The following NEDD4 variants were observed in gnomAD, a reference collection of about 807,000 sequenced individuals.
NEDD4 encodes the protein E3 ubiquitin-protein ligase NEDD4.
Under a neutral mutation model 144.9 loss-of-function variants are expected in NEDD4, and 99 were observed. The observed-to-expected ratio is 0.68, with a 90% CI of 0.58 to 0.81. NEDD4 has a LOEUF of 0.81. Among genes scored for constraint, NEDD4 ranks in the 30% least tolerant of loss-of-function variants. The pLI is 0.00. For synonymous variants in NEDD4, 318 were observed against 350.6 expected (o/e 0.91, Z 1.04); for missense variants, 985 against 1,065.9 (o/e 0.92, Z 1.06).
At chr15:55,858,380 C>T (rs1193250094) in intron 11 of NEDD4, among the ~76,000 whole-genome samples, 1 of 152,094 alleles carries the variant, frequency 6.6e-6, no homozygotes, top group Non-Finnish European at 1.5e-5. Flanking sequence ...AATCTCGGCT[C>T]ACTGCAACCT....
chr15:55,900,358 T>A (rs1199505211), intron 5 of NEDD4, among the ~76,000 whole-genome samples: 2 of 152,204 alleles, frequency 1.3e-5, no homozygotes, highest in Non-Finnish European at 2.9e-5. Flanking sequence ...AGAGAAGAGC[T>A]AAGTCAGTGA....
intron 1 of NEDD4, among the ~76,000 whole-genome samples, chr15:55,981,377 C>A (rs1038220711): frequency 6.8e-6 from 1 of 146,376 alleles, no homozygotes; most frequent in South Asian, 2.2e-4. Context: ...CTTTTTTTTT[C>A]TTTTGAGCAA....
chr15:55,874,041 A>G, intron 5 of NEDD4, 33 bp from the exon 6 acceptor site: 1 of 1,208,528 alleles, frequency 8.3e-7, no homozygotes, highest in East Asian at 2.6e-5. Context: ...TATAATTAGT[A>G]ATACGCTCAA....
At chr15:55,909,777 C>T (rs142018487) in intron 5 of NEDD4, among the ~76,000 whole-genome samples, 6 of 152,264 alleles carry the variant, frequency 3.9e-5, no homozygotes, top group Non-Finnish European at 7.4e-5. Flanking sequence ...TGTAAGAAGC[C>T]GGCAACATAG....
Position 55,869,593 on chromosome 15 carries a change from C to T in NEDD4, c.493G>A (p.Ala165Thr), listed in dbSNP as rs183827307. The T allele has an allele frequency of 7.0e-6, 11 of 1,577,448 alleles. No homozygotes were observed. The East Asian group carries it at 1.8e-4, about 26-fold the overall frequency. The change falls in exon 8 of 29, where the codon GCT becomes ACT. Residue 165 changes from alanine (A) to threonine (T), a missense_variant. Transcript: ENST00000435532. ...SGSEDDNAEQ[A>T]EELEPGWVVL... The stretch of plus-strand genomic sequence containing the variant: ...TAAAATCTCACCTCTAATTCCTCAG[C>T]CTGTTCTGCATTATCATCTTCTGAG...
chr15:55,837,698 T>G, intron 24 of NEDD4, 91 bp downstream of exon 24: 3 of 772,060 alleles, frequency 3.9e-6, no homozygotes, highest in Non-Finnish European at 2.1e-6. Context: ...AGCCATATAC[T>G]TATTTTTCTC....
intron 1 of NEDD4, among the ~76,000 whole-genome samples, chr15:55,982,270 G>C (rs1214309888): frequency 6.6e-6 from 1 of 152,030 alleles, no homozygotes; most frequent in Non-Finnish European, 1.5e-5. Flanking sequence ...CCATTCCTAG[G>C]TATTTACACA....
chr15:55,951,017 T>A (rs529807312), intron 4 of NEDD4, among the ~76,000 whole-genome samples: 5 of 152,258 alleles, frequency 3.3e-5, no homozygotes, highest in African/African-American at 1.2e-4. Context: ...GACGTGTGGA[T>A]AAAAAGAAAT....
At chr15:55,942,002 T>A (rs1305900048) in intron 4 of NEDD4, among the ~76,000 whole-genome samples, 3 of 152,232 alleles carry the variant, frequency 2.0e-5, no homozygotes, top group Admixed American at 1.3e-4. Flanking sequence ...TGTAGTGTAC[T>A]ATACATGTCA....
chr15:55,989,467 G>A (rs1319166600), intron 1 of NEDD4, among the ~76,000 whole-genome samples: 1 of 152,270 alleles, frequency 6.6e-6, no homozygotes, highest in African/African-American at 2.4e-5. Flanking sequence ...GGTTTGGGAA[G>A]TTTGTTCCCA....
intron 1 of NEDD4, among the ~76,000 whole-genome samples, chr15:55,981,176 G>A (rs1286799974): frequency 6.6e-6 from 1 of 151,838 alleles, no homozygotes; most frequent in Non-Finnish European, 1.5e-5. Context: ...CTGAGTAGCT[G>A]AGACTACAGG....
intron 11 of NEDD4, among the ~76,000 whole-genome samples, chr15:55,856,491 ATTG>A (rs1239847622): frequency 2.0e-5 from 3 of 152,056 alleles, no homozygotes; most frequent in African/African-American, 7.2e-5. Context: ...TACTAGTTTT[ATTG>A]TTGTTTTAAC....
At chr15:55,839,859 C>T (rs1653537419) in intron 21 of NEDD4, among the ~76,000 whole-genome samples, 1 of 149,298 alleles carries the variant, frequency 6.7e-6, no homozygotes, top group South Asian at 2.2e-4. Flanking sequence ...GCCTGTAGTC[C>T]CAGCTACACA....
At chr15:55,830,021 G>A (rs1221991774) in intron 28 of NEDD4, 22 bp from the exon 29 acceptor site, 1 of 1,557,506 alleles carries the variant, frequency 6.4e-7, no homozygotes, top group African/African-American at 1.4e-5. Context: ...GAGAGGAAGT[G>A]GTTATGAAAG....
At chr15:55,906,245 C>A (rs2036089166) in intron 5 of NEDD4, among the ~76,000 whole-genome samples, 1 of 152,152 alleles carries the variant, frequency 6.6e-6, no homozygotes, top group Non-Finnish European at 1.5e-5. Context: ...GGATCTAGAA[C>A]TAGAAATACC....
chr15:55,942,191 T>C (rs570404890), intron 4 of NEDD4, among the ~76,000 whole-genome samples: 14 of 152,338 alleles, frequency 9.2e-5, no homozygotes, highest in African/African-American at 2.9e-4. Flanking sequence ...TCCATACACA[T>C]TTCAGATTGT....
At chr15:55,934,860 C>CTTTTTTTTTTT (rs564385465) in intron 4 of NEDD4, 1 of 80,838 alleles carries the variant, frequency 1.2e-5, no homozygotes, top group Non-Finnish European at 2.1e-5. Flanking sequence ...CAATGTTCTG[C>CTTTTTTTTTTT]TTTTTTTTTT....
At chr15:55,951,840 T>G (rs935562314) in intron 2 of NEDD4, among the ~76,000 whole-genome samples, 4 of 152,056 alleles carry the variant, frequency 2.6e-5, no homozygotes, top group Admixed American at 2.0e-4. Context: ...ACAGGCCTAA[T>G]GATTATAAGC....
chr15:55,946,823 C>A (rs1566964252), intron 4 of NEDD4, among the ~76,000 whole-genome samples: 1 of 152,198 alleles, frequency 6.6e-6, no homozygotes, highest in Non-Finnish European at 1.5e-5. Flanking sequence ...GACCACAGTG[C>A]AATCAAACTA....
Sources: gnomAD v4.1 joint callset for allele counts (sites outside exome capture counted in the v4.1 genomes callset) on GRCh38, gnomAD v4.1.1 for gene constraint, MANE v1.5 for transcripts, NCBI Gene and HGNC (gene_info 2026-07-23, HGNC 2026-07-21) for gene names.